Variants in SYN2 observed in about 807,000 individuals in gnomAD.
SYN2 encodes synapsin-2.
A neutral mutation model predicts 50.9 loss-of-function variants in SYN2; 19 were observed. The observed-to-expected ratio is 0.37, with a 90% CI of 0.26 to 0.55. The LOEUF (loss-of-function observed/expected upper bound fraction) is 0.55. SYN2 is among the 20% of genes least tolerant of loss of function. SYN2 has a pLI of 0.81. For missense variants in SYN2, 587 were observed against 576.4 expected (o/e 1.02, Z -0.19); for synonymous variants, 255 against 224.9 (o/e 1.13, Z -1.20).
intron 1 of SYN2, among the ~76,000 whole-genome samples, chr3:12,008,077 A>G (rs1271579777): frequency 6.6e-6 from 1 of 152,234 alleles, no homozygotes; most frequent in Non-Finnish European, 1.5e-5. Flanking sequence ...TTAAGATTGC[A>G]CTTTAATGAT....
intron 7 of SYN2, among the ~76,000 whole-genome samples, chr3:12,164,533 T>G (rs2125238775): frequency 6.6e-6 from 1 of 152,018 alleles, no homozygotes; most frequent in South Asian, 2.1e-4. Context: ...AAGATTAGGC[T>G]TGGGATTCTT....
chr3:12,130,020 C>G (rs1484296500), intron 1 of SYN2, among the ~76,000 whole-genome samples: 1 of 152,080 alleles, frequency 6.6e-6, no homozygotes, highest in Non-Finnish European at 1.5e-5. Flanking sequence ...AGTGCCCTCA[C>G]CAGGAACTGA....
chr3:12,123,758 C>T (rs566912447), intron 1 of SYN2, among the ~76,000 whole-genome samples: 1 of 152,068 alleles, frequency 6.6e-6, no homozygotes, highest in African/African-American at 2.4e-5. Context: ...TGCCTGTAAT[C>T]CCAGCACTTT....
chr3:12,094,013 C>T (rs1695880319), intron 1 of SYN2, among the ~76,000 whole-genome samples: 1 of 152,000 alleles, frequency 6.6e-6, no homozygotes, highest in East Asian at 1.9e-4. Context: ...CATGCCACCA[C>T]GCCCAGAATT....
intron 1 of SYN2, among the ~76,000 whole-genome samples, chr3:12,023,369 C>A (rs911337836): frequency 1.3e-5 from 2 of 151,634 alleles, no homozygotes; most frequent in South Asian, 2.1e-4. Flanking sequence ...TTTCCCCCCC[C>A]ACCCCCAAAG....
chr3:12,102,637 G>A (rs190741131), intron 1 of SYN2, among the ~76,000 whole-genome samples: 3 of 152,082 alleles, frequency 2.0e-5, no homozygotes, highest in East Asian at 3.9e-4. Context: ...CCATTGTTTT[G>A]CTATATCTTA....
intron 1 of SYN2, among the ~76,000 whole-genome samples, chr3:12,103,266 T>G (rs1403923926): frequency 6.6e-6 from 1 of 152,138 alleles, no homozygotes; most frequent in Non-Finnish European, 1.5e-5. Context: ...GAGCTTTGTT[T>G]AAGGAACTTA....
intron 1 of SYN2, among the ~76,000 whole-genome samples, chr3:12,131,036 G>T (rs1007340005): frequency 1.3e-5 from 2 of 152,138 alleles, no homozygotes; most frequent in Non-Finnish European, 2.9e-5. Context: ...GAAGGAGTAG[G>T]GCAGGGCTCC....
intron 1 of SYN2, among the ~76,000 whole-genome samples, chr3:12,053,879 T>G (rs111517108): frequency 1.3e-5 from 2 of 152,176 alleles, no homozygotes; most frequent in Non-Finnish European, 2.9e-5. Context: ...AAACCTCAAT[T>G]AAAAATTTTC....
intron 1 of SYN2, among the ~76,000 whole-genome samples, chr3:12,096,916 C>T (rs1277874882): frequency 1.3e-5 from 2 of 151,910 alleles, no homozygotes; most frequent in African/African-American, 4.8e-5. Context: ...ATCAAGTATA[C>T]CAACATAAAC....
intron 10 of SYN2, among the ~76,000 whole-genome samples, chr3:12,180,743 G>T (rs963111142): frequency 2.0e-5 from 3 of 152,188 alleles, no homozygotes; most frequent in African/African-American, 4.8e-5. Flanking sequence ...CCAAAGGACT[G>T]CCTCCGGGAG....
intron 11 of SYN2, chr3:12,184,966 G>A: frequency 2.0e-6 from 2 of 985,732 alleles, no homozygotes; most frequent in South Asian, 9.4e-5. Context: ...CCAGATCTGA[G>A]AAGGAACTAG....
intron 1 of SYN2, among the ~76,000 whole-genome samples, chr3:12,082,730 G>A (rs1231671209): frequency 6.6e-6 from 1 of 152,142 alleles, no homozygotes; most frequent in East Asian, 1.9e-4. Flanking sequence ...ATATATTATA[G>A]TTTCTTTTTT....
chr3:12,120,241 C>T (rs556069490), intron 1 of SYN2, among the ~76,000 whole-genome samples: 1 of 152,278 alleles, frequency 6.6e-6, no homozygotes, highest in South Asian at 2.1e-4. Context: ...AGGATCTGGA[C>T]TAGAACCCAG....
chr3:12,159,797 CT>C (rs1281291351), intron 5 of SYN2, among the ~76,000 whole-genome samples: 1 of 151,860 alleles, frequency 6.6e-6, no homozygotes, highest in Non-Finnish European at 1.5e-5. Flanking sequence ...AATCTCAGCA[CT>C]TTGGGAAGCC....
In SYN2 at chr3:12,004,957, G is replaced by C. The variant is rs1034360133; in HGVS notation, c.377+29G>C. The C allele has an allele frequency of 3.9e-5, 19 of 485,094 alleles. No homozygotes were observed. The East Asian group carries it at 6.3e-4, about 16-fold the overall frequency. 30.0% of individuals were successfully genotyped at this position (485,094 alleles called of 1,614,324 possible). On this transcript the variant is annotated intron_variant, in intron 1 of 12. Transcript: ENST00000621198. ...GGTGCCGGGCGCCGCCGCCCTCGGGGGTCGGGGTCCGCCGGCAGCCGCAGG... is the reference window on the plus strand; with the variant it reads ...GGTGCCGGGCGCCGCCGCCCTCGGGCGTCGGGGTCCGCCGGCAGCCGCAGG...
intron 1 of SYN2, among the ~76,000 whole-genome samples, chr3:12,016,749 G>A (rs1279329059): frequency 1.3e-5 from 2 of 152,046 alleles, no homozygotes; most frequent in Admixed American, 6.6e-5. Context: ...CCAGCTACTC[G>A]GGAGGCTGAG....
intron 1 of SYN2, chr3:12,071,033 T>C: frequency 1.8e-6 from 1 of 559,042 alleles, no homozygotes; most frequent in Non-Finnish European, 3.6e-6. Context: ...TAGCTTTCCT[T>C]CCTGGGCATG....
Position 12,168,496 on chromosome 3 carries a change from A to C in SYN2, c.1158+18A>C. On this transcript the variant is annotated intron_variant, in intron 9 of 12. Transcript: ENST00000621198. ...TTTTTGAGGTAAGTCTGGACCAAGC[A>C]GTAAGAGGTAACTCCTAAGGCTTAA... The C allele has an allele frequency of 2.5e-6, 4 of 1,604,104 alleles. No individual in the cohort carries two copies. Among genetic ancestry groups the C allele is most frequent in the Non-Finnish European group, 3.4e-6 (4 of 1,172,054 alleles).
Sources: gnomAD v4.1 joint callset for allele counts (sites outside exome capture counted in the v4.1 genomes callset) on GRCh38, gnomAD v4.1.1 for gene constraint, MANE v1.5 for transcripts, NCBI Gene and HGNC (gene_info 2026-07-23, HGNC 2026-07-21) for gene names.